Variants in ALKBH8 observed in about 807,000 individuals in gnomAD.
ALKBH8 encodes alkB homolog 8, tRNA methyltransferase, also known as tRNA (carboxymethyluridine(34)-5-O)-methyltransferase ALKBH8.
ALKBH8 carries 36 observed loss-of-function variants against 59.8 expected under a neutral mutation model. That is an observed-to-expected ratio of 0.60 (90% CI 0.46 to 0.79). The LOEUF (loss-of-function observed/expected upper bound fraction) is 0.79, where lower values mean the gene tolerates loss of function less well. Ranked by LOEUF, ALKBH8 falls within the 30% of genes least tolerant of loss-of-function variation. The pLI, the probability that ALKBH8 is intolerant of heterozygous loss-of-function variation, is 0.00. For synonymous variants in ALKBH8, 276 were observed against 273.6 expected, an observed-to-expected ratio of 1.01 and a Z score of -0.09; for missense variants, 768 against 801.0, an observed-to-expected ratio of 0.96 and a Z score of 0.50.
chr11:107,547,970 T>TG (rs1449016863), intron 7 of ALKBH8, among the ~76,000 whole-genome samples: 6 of 152,148 alleles, frequency 3.9e-5, no homozygotes, highest in African/African-American at 7.2e-5. Flanking sequence ...TCTAGGGCGC[T>TG]GGGGGGGATA....
At chr11:107,544,722 T>C (rs1205943814) in intron 7 of ALKBH8, among the ~76,000 whole-genome samples, 2 of 151,492 alleles carry the variant, frequency 1.3e-5, no homozygotes, top group Non-Finnish European at 2.9e-5. Context: ...ATGATGCAAC[T>C]AAAGAACCCA....
At chr11:107,524,350 C>T (rs1169105633) in intron 9 of ALKBH8, among the ~76,000 whole-genome samples, 2 of 152,086 alleles carry the variant, frequency 1.3e-5, no homozygotes, top group African/African-American at 4.8e-5. Flanking sequence ...AGGCATGAGC[C>T]ACTGTGCCAG....
intron 7 of ALKBH8, among the ~76,000 whole-genome samples, chr11:107,539,337 C>G (rs917828447): frequency 6.6e-6 from 1 of 152,148 alleles, no homozygotes; most frequent in Non-Finnish European, 1.5e-5. Context: ...TGGTGGCTCA[C>G]GCCTGTAATC....
In ALKBH8 at chr11:107,560,868, T is replaced by A. The variant is rs759458719; in HGVS notation, c.26A>T (p.Tyr9Phe). Residue 9 changes from tyrosine to phenylalanine, a missense_variant, in exon 2 of 12, where the codon TAC (tyrosine) becomes TTC (phenylalanine). Transcript: ENST00000428149. MDSNHQSN[Y>F]KLSKTEKKFL... ...CTTCTTCTCAGTTTTACTGAGTTTGTAATTACTTTGATGGTTGCTGTCCAT... is the reference window on the plus strand; with the variant it reads ...CTTCTTCTCAGTTTTACTGAGTTTGAAATTACTTTGATGGTTGCTGTCCAT... 1.2e-5 allele frequency: 20 copies of A among 1,612,742 alleles called. No homozygotes were observed. The highest frequency in any genetic ancestry group is 1.7e-5 in the Non-Finnish European group (20 of 1,179,442).
chr11:107,539,461 TG>T (rs1164218617), intron 7 of ALKBH8, among the ~76,000 whole-genome samples: 3 of 152,052 alleles, frequency 2.0e-5, no homozygotes, highest in Admixed American at 6.5e-5. Flanking sequence ...ATGGCCGGCA[TG>T]GTGGTGGGCG....
intron 11 of ALKBH8, among the ~76,000 whole-genome samples, chr11:107,509,140 G>A (rs1862517192): frequency 6.6e-6 from 1 of 152,174 alleles, no homozygotes; most frequent in Admixed American, 6.5e-5. Flanking sequence ...ATGCACAAGA[G>A]TTCCAATTTC....
At chr11:107,536,364 T>C (rs1863814936) in intron 7 of ALKBH8, among the ~76,000 whole-genome samples, 2 of 152,320 alleles carry the variant, frequency 1.3e-5, no homozygotes, top group South Asian at 4.1e-4. Context: ...TTCATGTTAC[T>C]TCCCTGTGTT....
chr11:107,527,950 GT>G (rs1331998330), intron 8 of ALKBH8, among the ~76,000 whole-genome samples: 1 of 151,998 alleles, frequency 6.6e-6, no homozygotes, highest in Non-Finnish European at 1.5e-5. Flanking sequence ...TCAGCTGTGG[GT>G]TTTTCATAAA....
intron 7 of ALKBH8, among the ~76,000 whole-genome samples, chr11:107,535,128 A>G (rs184135022): frequency 6.6e-6 from 1 of 152,198 alleles, no homozygotes; most frequent in East Asian, 1.9e-4. Context: ...GTCTATATAT[A>G]CCACATTTTC....
At chr11:107,551,950 T>A in intron 5 of ALKBH8, 38 bp from the exon 6 acceptor site, 1 of 1,208,176 alleles carries the variant, frequency 8.3e-7, no homozygotes, top group Non-Finnish European at 1.1e-6. Flanking sequence ...CATTAAAATA[T>A]TTACTTTGCT....
chr11:107,510,598 T>C (rs1245543487), intron 11 of ALKBH8, among the ~76,000 whole-genome samples: 1 of 152,158 alleles, frequency 6.6e-6, no homozygotes, highest in Non-Finnish European at 1.5e-5. Flanking sequence ...TCTGTGACTC[T>C]GGGTTTAAAG....
intron 2 of ALKBH8, among the ~76,000 whole-genome samples, chr11:107,557,981 C>T (rs904922996): frequency 2.6e-5 from 4 of 152,114 alleles, no homozygotes; most frequent in Non-Finnish European, 5.9e-5. Flanking sequence ...GTGTTGATGA[C>T]GTTTTTCTGA....
chr11:107,546,463 A>T (rs1864258797), intron 7 of ALKBH8, among the ~76,000 whole-genome samples: 1 of 152,202 alleles, frequency 6.6e-6, no homozygotes. Flanking sequence ...TGTTATTGTC[A>T]TATAACCCGA....
In ALKBH8 at chr11:107,521,785, C is replaced by T. The variant is rs551629775; in HGVS notation, c.1287+514G>A. 2.0e-5 allele frequency among the ~76,000 whole-genome samples: 3 copies of T among 152,192 alleles called. No homozygotes were observed. The South Asian group carries it at 6.2e-4, about 32-fold the overall frequency. ...TTTTAATCTGTTTGAGACTTCCTTT[C>T]CTCAACAGTAAGATACCAATAAATA... On this transcript the variant is annotated intron_variant, in intron 10 of 11. Coordinates refer to ENST00000428149, the MANE Select transcript of ALKBH8 (RefSeq NM_138775.3).
At chr11:107,525,782 A>G (rs1863328395) in intron 8 of ALKBH8, among the ~76,000 whole-genome samples, 190 bp from the exon 9 acceptor site, 2 of 152,064 alleles carry the variant, frequency 1.3e-5, no homozygotes, top group Non-Finnish European at 2.9e-5. Flanking sequence ...CTTCATGACA[A>G]TAATATTAAA....
At chr11:107,559,538 C>G (rs982175341) in intron 2 of ALKBH8, among the ~76,000 whole-genome samples, 1 of 151,912 alleles carries the variant, frequency 6.6e-6, no homozygotes, top group African/African-American at 2.4e-5. Flanking sequence ...CTTCATAAAC[C>G]CTGTAAGGAA....
In ALKBH8 at chr11:107,565,609, C is replaced by T; in HGVS notation, c.-15G>A. On this transcript the variant is annotated 5_prime_UTR_variant, in exon 1 of 12. Coordinates refer to ENST00000428149, the MANE Select transcript of ALKBH8 (RefSeq NM_138775.3). Reference sequence around the variant, plus strand: ...TAAGAAGTGCCACACACCTCCGCTTCGGCTCAGGCCGGATTCTCACCATGC... The same window carrying T: ...TAAGAAGTGCCACACACCTCCGCTTTGGCTCAGGCCGGATTCTCACCATGC... 2.0e-6 allele frequency: 3 copies of T among 1,535,736 alleles called. No individual in the cohort carries two copies. Among genetic ancestry groups the T allele is most frequent in the Non-Finnish European group, 2.6e-6 (3 of 1,146,906 alleles).
chr11:107,508,259 A>G lies in ALKBH8; in HGVS notation c.1437+2628T>C, dbSNP rs370384308. 6.8e-5 allele frequency among the ~76,000 whole-genome samples: 10 copies of G among 147,200 alleles called. 1 individual carries two copies. The highest frequency in any genetic ancestry group is 2.5e-4 in the African/African-American group (10 of 39,544). Reference sequence around the variant, plus strand: ...GATCTCGGCTCACTGCAACTTCCACACCTCCTGGGTTCATGTGATTCTCAT... The same window carrying G: ...GATCTCGGCTCACTGCAACTTCCACGCCTCCTGGGTTCATGTGATTCTCAT... On this transcript the variant is annotated intron_variant, in intron 11 of 11. Coordinates refer to ENST00000428149, the MANE Select transcript of ALKBH8 (RefSeq NM_138775.3).
intron 8 of ALKBH8, among the ~76,000 whole-genome samples, chr11:107,530,658 T>C (rs1863557903): frequency 6.8e-6 from 1 of 147,300 alleles, no homozygotes; most frequent in African/African-American, 2.5e-5. Flanking sequence ...CAGAGTGATG[T>C]TACAGGCAAT....
Sources: gnomAD v4.1 joint callset for allele counts (sites outside exome capture counted in the v4.1 genomes callset) on GRCh38, gnomAD v4.1.1 for gene constraint, MANE v1.5 for transcripts, NCBI Gene and HGNC (gene_info 2026-07-23, HGNC 2026-07-21) for gene names.